Variants in PI4K2B observed in about 807,000 individuals in gnomAD.
PI4K2B encodes the protein phosphatidylinositol 4-kinase type 2-beta.
A neutral mutation model predicts 56.6 loss-of-function variants in PI4K2B; 46 were observed. That is an observed-to-expected ratio of 0.81 (90% CI 0.64 to 1.04). The LOEUF is 1.04. PI4K2B is among the 50% of genes least tolerant of loss of function. The pLI, the probability that PI4K2B is intolerant of heterozygous loss-of-function variation, is 0.00. For missense variants in PI4K2B, 556 were observed against 607.7 expected (o/e 0.91, Z 0.89); for synonymous variants, 211 against 223.8 (o/e 0.94, Z 0.51).
rs1323989879 is a variant in PI4K2B at position 25,237,590 on chromosome 4, T to G, written c.268+3159T>G. Reference sequence around the variant, plus strand: ...CATGTTGGTCAGGCTGGTCTCGAACTCCTGACCTCAGATGATCCTCCCGCC... The same window carrying G: ...CATGTTGGTCAGGCTGGTCTCGAACGCCTGACCTCAGATGATCCTCCCGCC... On this transcript the variant is annotated intron_variant, in intron 1 of 9. Coordinates refer to ENST00000264864, the MANE Select transcript of PI4K2B (RefSeq NM_018323.4). Among the ~76,000 whole-genome samples, 3 of 152,354 alleles carry G rather than the reference T, an allele frequency of 2.0e-5. No individual in the cohort carries two copies. The East Asian group carries it at 5.8e-4, about 29-fold the overall frequency.
intron 1 of PI4K2B, among the ~76,000 whole-genome samples, chr4:25,249,366 A>C (rs193020257): frequency 0.067 from 9,504 of 142,152 alleles, 563 homozygotes; most frequent in East Asian, 0.34. Context: ...AGAGGGGCTC[A>C]TCACTTCCCA....
intron 2 of PI4K2B, 46 bp from the exon 3 acceptor site, chr4:25,255,019 C>G (rs771779481): frequency 1.1e-5 from 14 of 1,240,620 alleles, no homozygotes; most frequent in Non-Finnish European, 1.5e-5. Context: ...GGATGATTAT[C>G]TATATATGTA....
At chr4:25,248,005 G>A (rs980259378) in intron 1 of PI4K2B, among the ~76,000 whole-genome samples, 1 of 152,224 alleles carries the variant, frequency 6.6e-6, no homozygotes, top group African/African-American at 2.4e-5. Flanking sequence ...ACCCCAGCCA[G>A]TGAACATCTA....
Position 25,278,753 on chromosome 4 carries a change from A to G in PI4K2B, c.*1566A>G, listed in dbSNP as rs1717196555. 2.0e-5 allele frequency: 3 copies of G among 152,680 alleles called. No individual in the cohort carries two copies. Among genetic ancestry groups the G allele is most frequent in the Admixed American group, 6.5e-5 (1 of 15,286 alleles). 9.5% of individuals were successfully genotyped at this position (152,680 alleles called of 1,614,324 possible). On this transcript the variant is annotated 3_prime_UTR_variant, in exon 10 of 10. Transcript: ENST00000264864. ...TGAAGATGTTTTCTAAGAGAAAGGA[A>G]ATACGTTGCAGTGATGTGGGTACTG...
At chr4:25,235,231 T>G (rs1392224648) in intron 1 of PI4K2B, among the ~76,000 whole-genome samples, 1 of 152,210 alleles carries the variant, frequency 6.6e-6, no homozygotes, top group Non-Finnish European at 1.5e-5. Flanking sequence ...TGAGACAGAC[T>G]TGTTTGTAAA....
chr4:25,237,891 GAAAA>G (rs540616642), intron 1 of PI4K2B, among the ~76,000 whole-genome samples: 2 of 151,936 alleles, frequency 1.3e-5, no homozygotes, highest in African/African-American at 4.8e-5. Context: ...TGTCTCAAAA[GAAAA>G]AAAGAAAAAG....
At chr4:25,276,808 TGTGTGTGTGCGC>T (rs3839166) in intron 9 of PI4K2B, 194 bp from the exon 10 acceptor site, 146,382 of 970,204 alleles carry the variant, frequency 0.15, 7,815 homozygotes, top group East Asian at 0.29. Flanking sequence ...ATTGTGTGTG[TGTGTGTGTGCGC>T]GTGTGTGTGT....
At chr4:25,251,864 C>G (rs1716066764) in intron 1 of PI4K2B, among the ~76,000 whole-genome samples, 1 of 151,922 alleles carries the variant, frequency 6.6e-6, no homozygotes, top group Non-Finnish European at 1.5e-5. Flanking sequence ...GCTCTTATTG[C>G]CCAGGCTGGA....
intron 1 of PI4K2B, among the ~76,000 whole-genome samples, chr4:25,234,786 C>A (rs1715178358): frequency 6.6e-6 from 1 of 152,244 alleles, no homozygotes; most frequent in South Asian, 2.1e-4. Context: ...GAATTAAGAA[C>A]CTTGAACTCT....
chr4:25,262,624 C>T (rs1376152348), intron 6 of PI4K2B, among the ~76,000 whole-genome samples: 10 of 151,164 alleles, frequency 6.6e-5, no homozygotes, highest in African/African-American at 2.4e-4. Context: ...TCAGAATACC[C>T]TTTTTTTTTC....
chr4:25,269,238 A>C, intron 9 of PI4K2B, 35 bp downstream of exon 9: 1 of 1,161,408 alleles, frequency 8.6e-7, no homozygotes, highest in Non-Finnish European at 1.3e-6. Context: ...TAAGGAAAAA[A>C]ATCTCTTTGA....
chr4:25,273,778 A>G (rs1290582780), intron 9 of PI4K2B, among the ~76,000 whole-genome samples: 1 of 152,196 alleles, frequency 6.6e-6, no homozygotes, highest in Admixed American at 6.5e-5. Flanking sequence ...GTCTTCTGTT[A>G]TTTAAAATTC....
rs111681862 is a variant in PI4K2B at position 25,251,368 on chromosome 4, C to T, written c.269-953C>T. ...TGGCTCATGTGCATTTCTTTAATTC[C>T]GCTGCCCTGGTGCAGGCATGGAGTT... On this transcript the variant is annotated intron_variant, in intron 1 of 9. Transcript: ENST00000264864. 5.8e-3 allele frequency among the ~76,000 whole-genome samples: 875 copies of T among 152,160 alleles called. 3 individuals are homozygous for T. The highest frequency in any genetic ancestry group is 0.02 in the African/African-American group (825 of 41,492).
rs774413143 is a variant in PI4K2B at position 25,277,971 on chromosome 4, A to G, written c.*784A>G. 1.3e-5 allele frequency: 2 copies of G among 152,200 alleles called. No individual in the cohort carries two copies. Among genetic ancestry groups the G allele is most frequent in the African/African-American group, 2.4e-5 (1 of 41,454 alleles). 9.4% of individuals were successfully genotyped at this position (152,200 alleles called of 1,614,324 possible). On this transcript the variant is annotated 3_prime_UTR_variant, in exon 10 of 10. Transcript: ENST00000264864. ...ATGGGATCAAATACTTGAGATTAGT[A>G]CTTCAGAGTACTGGCCTTGTTCAAT...
intron 7 of PI4K2B, chr4:25,267,864 A>G (rs963448934): frequency 2.0e-6 from 2 of 983,416 alleles, no homozygotes; most frequent in Admixed American, 6.1e-5. Context: ...TCTTCTGTGT[A>G]CAAGTAAGTG....
At chr4:25,249,728 A>T (rs924906071) in intron 1 of PI4K2B, among the ~76,000 whole-genome samples, 1 of 149,678 alleles carries the variant, frequency 6.7e-6, no homozygotes, top group African/African-American at 2.5e-5. Context: ...CACTCTTCAC[A>T]TCTCAGACGG....
At chr4:25,245,956 G>C (rs995349016) in intron 1 of PI4K2B, among the ~76,000 whole-genome samples, 2 of 152,156 alleles carry the variant, frequency 1.3e-5, no homozygotes, top group African/African-American at 4.8e-5. Context: ...CTGACTTCAA[G>C]AATGAAGCCA....
intron 6 of PI4K2B, among the ~76,000 whole-genome samples, chr4:25,261,733 A>ATGATTG: frequency 6.6e-6 from 1 of 151,962 alleles, no homozygotes; most frequent in East Asian, 1.9e-4. Context: ...AACATATTGT[A>ATGATTG]TATTTATATT....
At position 25,252,343 on chromosome 4, in the gene PI4K2B, G is replaced by A. The variant is rs1380325430; in HGVS notation, c.291G>A (p.Met97Ile). 1 of 1,610,584 alleles carries A rather than the reference G, an allele frequency of 6.2e-7. No individual in the cohort carries two copies. The highest frequency in any genetic ancestry group is 1.3e-5 in the African/African-American group (1 of 74,990). ...AVSVTIGTSE[M>I]NAFLDDPEFA... ...CAGTAACTATTGGTACTTCAGAGAT[G>A]AATGCATTCTTGGATGACCCAGAAT... The change falls in exon 2 of 10, where the codon ATG (methionine) becomes ATA (isoleucine). Residue 97 changes from methionine to isoleucine, a missense_variant. Physicochemically the swap from Met to Ile is conservative, Grantham distance 10. Coordinates refer to ENST00000264864, the MANE Select transcript of PI4K2B (RefSeq NM_018323.4).
Sources: allele counts gnomAD v4.1 joint callset (sites outside exome capture counted in the v4.1 genomes callset), GRCh38; gene constraint gnomAD v4.1.1; transcripts MANE v1.5; gene names NCBI Gene and HGNC (gene_info 2026-07-23, HGNC 2026-07-21).